The following ANKRD36 variants were observed in gnomAD, a reference collection of about 807,000 sequenced individuals.
ANKRD36 encodes ankyrin repeat domain-containing protein 36A.
A neutral mutation model predicts 278.1 loss-of-function variants in ANKRD36; 179 were observed. The ratio of observed to expected loss-of-function variants is 0.64; its 90% CI spans 0.57 to 0.73. The LOEUF (loss-of-function observed/expected upper bound fraction) is 0.73, where lower values mean the gene tolerates loss of function less well. Among genes scored for constraint, ANKRD36 ranks in the 30% least tolerant of loss-of-function variants. The pLI, the probability that ANKRD36 is intolerant of heterozygous loss-of-function variation, is 0.00. For synonymous variants in ANKRD36, 320 were observed against 641.1 expected, an observed-to-expected ratio of 0.50 and a Z score of 7.57; for missense variants, 1,159 against 1,956.7, an observed-to-expected ratio of 0.59 and a Z score of 7.69.
chr2:97,193,559 G>C (rs1237097364), intron 38 of ANKRD36, among the ~76,000 whole-genome samples: 1 of 146,348 alleles, frequency 6.8e-6, no homozygotes, highest in African/African-American at 2.5e-5. Flanking sequence ...TATAATTTTG[G>C]GGTTTCTGCT....
intron 56 of ANKRD36, 30 bp from the exon 57 acceptor site, chr2:97,211,516 G>T (rs1479607357): frequency 6.2e-7 from 1 of 1,600,236 alleles, no homozygotes; most frequent in African/African-American, 1.3e-5. Context: ...ATTTACATAT[G>T]AGTGATTATG....
chr2:97,172,433 A>G (rs1161536703), intron 22 of ANKRD36, among the ~76,000 whole-genome samples: 1 of 151,926 alleles, frequency 6.6e-6, no homozygotes, highest in Non-Finnish European at 1.5e-5. Flanking sequence ...ACATACCAAC[A>G]TGGATATGCT....
intron 6 of ANKRD36, among the ~76,000 whole-genome samples, chr2:97,133,361 C>G (rs2040666139): frequency 6.6e-6 from 1 of 151,948 alleles, no homozygotes; most frequent in South Asian, 2.1e-4. Context: ...TAACAGGTCT[C>G]TATACAGAAG....
intron 11 of ANKRD36, among the ~76,000 whole-genome samples, 171 bp downstream of exon 11, chr2:97,146,687 C>CT (rs1193162833): frequency 2.0e-5 from 3 of 151,820 alleles, no homozygotes; most frequent in Non-Finnish European, 4.4e-5. Context: ...GCTGTTATTG[C>CT]TTTTTTACTA....
intron 4 of ANKRD36, 83 bp from the exon 5 acceptor site, chr2:97,124,377 G>A: frequency 6.8e-7 from 1 of 1,469,722 alleles, no homozygotes; most frequent in African/African-American, 1.4e-5. Flanking sequence ...TACATGGACA[G>A]GCAACATATT....
intron 1 of ANKRD36, among the ~76,000 whole-genome samples, chr2:97,117,325 G>A (rs1371810439): frequency 1.3e-5 from 2 of 151,602 alleles, no homozygotes; most frequent in African/African-American, 2.4e-5. Flanking sequence ...TTTTTCCACA[G>A]TACTTTATTT....
intron 46 of ANKRD36, 150 bp downstream of exon 46, chr2:97,200,675 G>A: frequency 7.6e-7 from 1 of 1,313,654 alleles, no homozygotes; most frequent in Non-Finnish European, 1.0e-6. Flanking sequence ...GGGTTATGCT[G>A]ATGCTGCTTG....
At chr2:97,232,765 T>C in intron 67 of ANKRD36, among the ~76,000 whole-genome samples, 1 of 150,624 alleles carries the variant, frequency 6.6e-6, no homozygotes, top group Non-Finnish European at 1.5e-5. Context: ...ACAAACCAGA[T>C]ACTGAACATG....
chr2:97,209,947 G>T, intron 56 of ANKRD36, 75 bp downstream of exon 56: 1 of 1,510,852 alleles, frequency 6.6e-7, no homozygotes, highest in Non-Finnish European at 8.9e-7. Context: ...ATAAATCAGC[G>T]GAGGGCTCGT....
At chr2:97,158,730 G>A (rs1225765358) in intron 17 of ANKRD36, 75 bp downstream of exon 17, 44 of 1,353,902 alleles carry the variant, frequency 3.2e-5, no homozygotes, top group Non-Finnish European at 4.2e-5. Context: ...ACTCTTATCT[G>A]TTAATGATCT....
intron 22 of ANKRD36, among the ~76,000 whole-genome samples, chr2:97,174,706 T>G (rs1360772862): frequency 6.6e-6 from 1 of 151,800 alleles, no homozygotes; most frequent in Non-Finnish European, 1.5e-5. Context: ...CTTGTGCCAG[T>G]TTTCAAAGGG....
At chr2:97,203,269 C>A (rs913363673) in intron 48 of ANKRD36, among the ~76,000 whole-genome samples, 10 of 151,818 alleles carry the variant, frequency 6.6e-5, no homozygotes, top group African/African-American at 2.4e-4. Context: ...CTAAAATGCT[C>A]ATTTTCAATG....
intron 32 of ANKRD36, among the ~76,000 whole-genome samples, chr2:97,187,813 A>G (rs539079596): frequency 1.3e-5 from 2 of 151,926 alleles, no homozygotes; most frequent in East Asian, 2.0e-4. Context: ...ACCCATAGAC[A>G]CTGTAGAACG....
chr2:97,128,504 T>A (rs1448314362), intron 6 of ANKRD36, among the ~76,000 whole-genome samples: 3 of 151,824 alleles, frequency 2.0e-5, no homozygotes, highest in Admixed American at 1.3e-4. Flanking sequence ...GGTACCCTTT[T>A]CAAAAGAACC....
At chr2:97,169,738 C>A (rs2051832142) in intron 22 of ANKRD36, among the ~76,000 whole-genome samples, 1 of 152,214 alleles carries the variant, frequency 6.6e-6, no homozygotes, top group South Asian at 2.1e-4. Flanking sequence ...TGAGAAAGAC[C>A]TCTTCAGGGA....
chr2:97,179,633 G>T, intron 22 of ANKRD36, 105 bp from the exon 23 acceptor site: 5 of 1,444,710 alleles, frequency 3.5e-6, no homozygotes, highest in Non-Finnish European at 4.7e-6. Context: ...CAGTAATACA[G>T]GCAGGAGTAC....
intron 36 of ANKRD36, among the ~76,000 whole-genome samples, 166 bp from the exon 37 acceptor site, chr2:97,192,692 T>G (rs180679321): frequency 6.6e-6 from 1 of 151,754 alleles, no homozygotes; most frequent in Non-Finnish European, 1.5e-5. Flanking sequence ...TTCCCTTTTT[T>G]CAGTGTATTT....
At chr2:97,229,062 T>C (rs1394231603) in intron 67 of ANKRD36, among the ~76,000 whole-genome samples, 4 of 151,964 alleles carry the variant, frequency 2.6e-5, no homozygotes, top group African/African-American at 7.2e-5. Flanking sequence ...TCCAAGTATG[T>C]GGTCAATTTT....
At chr2:97,184,192 G>A (rs989750068) in intron 28 of ANKRD36, among the ~76,000 whole-genome samples, 3 of 151,646 alleles carry the variant, frequency 2.0e-5, no homozygotes, top group African/African-American at 7.3e-5. Context: ...AAACCTGAGT[G>A]AACTCACTTC....
Sources: allele counts gnomAD v4.1 joint callset (sites outside exome capture counted in the v4.1 genomes callset), GRCh38; gene constraint gnomAD v4.1.1; transcripts MANE v1.5; gene names NCBI Gene and HGNC (gene_info 2026-07-23, HGNC 2026-07-21).